The following FHIT variants were observed in gnomAD, a reference collection of about 807,000 sequenced individuals.
FHIT encodes fragile histidine triad diadenosine triphosphatase, also known as bis(5'-adenosyl)-triphosphatase.
FHIT carries 19 observed loss-of-function variants against 17.9 expected under a neutral mutation model. That is an observed-to-expected ratio of 1.06 (90% confidence interval 0.74 to 1.56). The LOEUF (loss-of-function observed/expected upper bound fraction) is 1.56, where lower values mean the gene tolerates loss of function less well. Among genes scored for constraint, FHIT ranks in the 40% most tolerant of loss-of-function variants. The probability of loss-of-function intolerance (pLI) is 0.00; values close to 1 mark genes in which losing one functional copy is unlikely to be tolerated. For synonymous variants in FHIT, 81 were observed against 69.7 expected (o/e 1.16, Z -0.81); for missense variants, 248 against 189.2 (o/e 1.31, Z -1.82).
intron 2 of FHIT, among the ~76,000 whole-genome samples, chr3:61,080,686 C>T (rs768979298): frequency 6.6e-6 from 1 of 151,982 alleles, no homozygotes; most frequent in African/African-American, 2.4e-5. Context: ...TTCATTTTTC[C>T]TCTAATCATA....
chr3:60,732,684 CTTTTTTT>C (rs3038041), intron 4 of FHIT: 85 of 178,440 alleles, frequency 4.8e-4, no homozygotes, highest in East Asian at 1.4e-3. Flanking sequence ...GCAAAGACTG[CTTTTTTT>C]TTTTTTTTTT....
chr3:59,956,295 A>G (rs1482183721), intron 7 of FHIT, among the ~76,000 whole-genome samples: 1 of 152,058 alleles, frequency 6.6e-6, no homozygotes, highest in East Asian at 1.9e-4. Flanking sequence ...ATCCCAGCAC[A>G]CAGCCTCCCA....
At chr3:60,148,764 G>T (rs1191822444) in intron 5 of FHIT, among the ~76,000 whole-genome samples, 2 of 152,156 alleles carry the variant, frequency 1.3e-5, no homozygotes, top group African/African-American at 4.8e-5. Flanking sequence ...TACATCCTTT[G>T]CTCAGAAGAG....
At chr3:61,064,322 A>G (rs1212130201) in intron 2 of FHIT, among the ~76,000 whole-genome samples, 1 of 152,110 alleles carries the variant, frequency 6.6e-6, no homozygotes, top group Non-Finnish European at 1.5e-5. Context: ...TGTGGTGTTG[A>G]AAGCTCTGGC....
chr3:60,666,323 G>C (rs924687698), intron 4 of FHIT, among the ~76,000 whole-genome samples: 1 of 152,064 alleles, frequency 6.6e-6, no homozygotes, highest in Non-Finnish European at 1.5e-5. Flanking sequence ...ATCTGAGAAT[G>C]TTTTTATTTC....
At chr3:61,243,910 C>A (rs2040428509) in intron 1 of FHIT, 2 of 152,188 alleles carry the variant, frequency 1.3e-5, no homozygotes, top group African/African-American at 4.8e-5. Context: ...AATTCCATGA[C>A]AGCTTTGTGA....
At chr3:60,817,204 A>G (rs1382111789) in intron 4 of FHIT, among the ~76,000 whole-genome samples, 2 of 152,050 alleles carry the variant, frequency 1.3e-5, no homozygotes, top group African/African-American at 4.8e-5. Context: ...ATCTGTACAT[A>G]TTACATTATA....
intron 5 of FHIT, among the ~76,000 whole-genome samples, chr3:60,452,895 G>T (rs770570740): frequency 6.6e-6 from 1 of 152,120 alleles, no homozygotes; most frequent in Non-Finnish European, 1.5e-5. Flanking sequence ...CTTCAACAAT[G>T]AAATATCTAA....
At position 60,575,342 on chromosome 3, in the gene FHIT, T is replaced by C. The variant is rs190172122; in HGVS notation, c.-17-38363A>G. On this transcript the variant is annotated intron_variant, in intron 4 of 9. Transcript: ENST00000492590. ...TTAGAAATGTAAGCTGAGCTCCAGA[T>C]ACTGGAAGACTTTTAGTATCAAACA... is the stretch of plus-strand genomic sequence containing the variant. Among the ~76,000 whole-genome samples, 10 of 152,288 alleles carry C rather than the reference T, an allele frequency of 6.6e-5. No homozygotes were observed. The South Asian group carries it at 1.2e-3, about 19-fold the overall frequency.
At chr3:59,780,916 A>T (rs1702554671) in intron 8 of FHIT, among the ~76,000 whole-genome samples, 1 of 152,224 alleles carries the variant, frequency 6.6e-6, no homozygotes, top group African/African-American at 2.4e-5. Context: ...TGCTTCAGAG[A>T]GGATTAGAAG....
At chr3:60,233,723 G>A (rs1398849003) in intron 5 of FHIT, among the ~76,000 whole-genome samples, 1 of 152,084 alleles carries the variant, frequency 6.6e-6, no homozygotes, top group Non-Finnish European at 1.5e-5. Context: ...TCATGGGAGG[G>A]ACCCGGTGGC....
At chr3:60,002,181 A>G (rs1699754834) in intron 7 of FHIT, among the ~76,000 whole-genome samples, 1 of 152,162 alleles carries the variant, frequency 6.6e-6, no homozygotes, top group South Asian at 2.1e-4. Context: ...AGACTTGTTT[A>G]AAAGAATAAA....
chr3:60,576,940 C>T (rs1553657797), intron 4 of FHIT, among the ~76,000 whole-genome samples: 3 of 80,436 alleles, frequency 3.7e-5, no homozygotes, highest in Non-Finnish European at 6.8e-5. Context: ...ATATTTGCAT[C>T]CATTTGCATA....
intron 4 of FHIT, among the ~76,000 whole-genome samples, chr3:60,684,690 A>G (rs2040823699): frequency 6.6e-6 from 1 of 152,064 alleles, no homozygotes; most frequent in Non-Finnish European, 1.5e-5. Context: ...CTTCCTTTCC[A>G]ATACCCAGAC....
Position 59,791,104 on chromosome 3 carries a change from C to T in FHIT, c.349-38783G>A, listed in dbSNP as rs117179771. 1.6e-4 allele frequency among the ~76,000 whole-genome samples: 24 copies of T among 152,288 alleles called. No homozygotes were observed. The East Asian group carries it at 3.7e-3, about 23-fold the overall frequency. On this transcript the variant is annotated intron_variant, in intron 8 of 9. Coordinates refer to ENST00000492590, the MANE Select transcript of FHIT (RefSeq NM_002012.4). ...TGTTTCTTTTGCTTCCTTCTCTTCACGGAACTACTCTTTCATGTGGGTAAT... is the reference window on the plus strand; with the variant it reads ...TGTTTCTTTTGCTTCCTTCTCTTCATGGAACTACTCTTTCATGTGGGTAAT...
At chr3:59,804,871 G>A (rs1013098343) in intron 8 of FHIT, among the ~76,000 whole-genome samples, 1 of 152,152 alleles carries the variant, frequency 6.6e-6, no homozygotes, top group Non-Finnish European at 1.5e-5. Context: ...GAACAGCCGA[G>A]GACTGTCATG....
At chr3:60,795,688 T>C (rs1357235863) in intron 4 of FHIT, among the ~76,000 whole-genome samples, 1 of 152,122 alleles carries the variant, frequency 6.6e-6, no homozygotes, top group Non-Finnish European at 1.5e-5. Flanking sequence ...CTAATTTTTG[T>C]ATTTTTTGTA....
At chr3:60,202,697 C>T (rs1246272844) in intron 5 of FHIT, among the ~76,000 whole-genome samples, 1 of 152,162 alleles carries the variant, frequency 6.6e-6, no homozygotes, top group Non-Finnish European at 1.5e-5. Context: ...AAGGTCCCTA[C>T]CAGCCAGCCT....
intron 5 of FHIT, among the ~76,000 whole-genome samples, chr3:60,490,009 A>T (rs2033997046): frequency 6.6e-6 from 1 of 152,174 alleles, no homozygotes; most frequent in South Asian, 2.1e-4. Context: ...ACATTTAACA[A>T]GGCTACTTTT....
Sources: allele counts gnomAD v4.1 joint callset (sites outside exome capture counted in the v4.1 genomes callset), GRCh38; gene constraint gnomAD v4.1.1; transcripts MANE v1.5; gene names NCBI Gene and HGNC (gene_info 2026-07-23, HGNC 2026-07-21).